GCNT1: variants seen among roughly 807,000 people sequenced by gnomAD.
The protein encoded by GCNT1 is beta-1,3-galactosyl-O-glycosyl-glycoprotein beta-1,6-N-acetylglucosaminyltransferase.
GCNT1 carries 16 observed loss-of-function variants against 26.2 expected under a neutral mutation model. The observed-to-expected ratio is 0.61, with a 90% CI of 0.41 to 0.93. The LOEUF (loss-of-function observed/expected upper bound fraction) is 0.93, where lower values mean the gene tolerates loss of function less well. GCNT1 is among the 40% of genes least tolerant of loss of function. The probability of loss-of-function intolerance (pLI) is 0.00; values close to 1 mark genes in which losing one functional copy is unlikely to be tolerated. For synonymous variants in GCNT1, 183 were observed against 190.8 expected (o/e 0.96, Z 0.34); for missense variants, 477 against 526.7 (o/e 0.91, Z 0.92).
chr9:76,473,952 A>G (rs1207199748), intron 2 of GCNT1, among the ~76,000 whole-genome samples: 1 of 152,160 alleles, frequency 6.6e-6, no homozygotes, highest in Admixed American at 6.5e-5. Flanking sequence ...TATAAAAATT[A>G]GCCAGGCATG....
At chr9:76,439,223 C>CTTT (rs71499153), upstream of GCNT1, among the ~76,000 whole-genome samples, 362 of 120,076 alleles carry the variant, frequency 3.0e-3, 6 homozygotes, top group Middle Eastern at 4.9e-3. Flanking sequence ...TTTTCTTTTT[C>CTTT]TTTTTTTTTT....
intron 2 of GCNT1, among the ~76,000 whole-genome samples, chr9:76,482,031 G>A (rs1824436638): frequency 6.6e-6 from 1 of 152,050 alleles, no homozygotes; most frequent in South Asian, 2.1e-4. Flanking sequence ...TTATTATATT[G>A]TCAGTAAGAA....
At chr9:76,494,261 A>G (rs773843251) in intron 2 of GCNT1, among the ~76,000 whole-genome samples, 2 of 152,200 alleles carry the variant, frequency 1.3e-5, no homozygotes, top group African/African-American at 2.4e-5. Context: ...TGGGCCACAA[A>G]GAGGACTGAG....
chr9:76,503,203 G>T lies in GCNT1; in HGVS notation c.822G>T (p.Met274Ile). ...TGACAAACACAGGGACTGTCAAAAT[G>T]CTTCCTCCACTCGAAACACCTCTCT... Reference protein sequence around the residue: ...GKLTNTGTVKMLPPLETPLFS... With the variant: ...GKLTNTGTVKILPPLETPLFS... The change falls in exon 4 of 4, where the codon ATG becomes ATT. Residue 274 changes from methionine (M) to isoleucine (I), a missense_variant. Coordinates refer to ENST00000376730, the MANE Select transcript of GCNT1 (RefSeq NM_001490.5). 3 of 1,614,158 alleles carry T rather than the reference G, an allele frequency of 1.9e-6. No homozygotes were observed. The highest frequency in any genetic ancestry group is 2.5e-6 in the Non-Finnish European group (3 of 1,180,016).
intron 1 of GCNT1, among the ~76,000 whole-genome samples, chr9:76,435,383 G>A (rs1371349068): frequency 6.6e-6 from 1 of 152,128 alleles, no homozygotes; most frequent in African/African-American, 2.4e-5. Context: ...TTTGGGACCA[G>A]TTCCCCCACT....
chr9:76,398,889 C>G, the GCNT1 span: 1 of 1,532,436 alleles, frequency 6.5e-7, no homozygotes, highest in Non-Finnish European at 8.9e-7. Flanking sequence ...GCAGCTAGTG[C>G]TATTGTTGCC....
At chr9:76,432,772 G>T (rs897707408) in intron 1 of GCNT1, among the ~76,000 whole-genome samples, 1 of 152,218 alleles carries the variant, frequency 6.6e-6, no homozygotes, top group African/African-American at 2.4e-5. Flanking sequence ...CAAGCTAAAA[G>T]TCTTGCATAA....
chr9:76,482,756 C>A (rs1175464586), intron 2 of GCNT1, among the ~76,000 whole-genome samples: 2 of 151,782 alleles, frequency 1.3e-5, no homozygotes, highest in Non-Finnish European at 2.9e-5. Context: ...GTGATCCTCC[C>A]ACCTCAGCCT....
chr9:76,505,019 C>A lies in GCNT1; in HGVS notation c.*1351C>A. The A allele has an allele frequency of 2.4e-6, 1 of 413,028 alleles. No individual in the cohort carries two copies. The highest frequency in any genetic ancestry group is 1.3e-4 in the South Asian group (1 of 7,470). The allele number at this position is 413,028 out of a possible 1,614,324, so 25.6% of individuals were successfully genotyped here. On this transcript the variant is annotated 3_prime_UTR_variant, in exon 4 of 4. Transcript: ENST00000376730. The stretch of plus-strand genomic sequence containing the variant: ...GTTGCTATAATGCTGTCACACATCT[C>A]AAAGTACATTCAAATCTTAAAAAGA...
chr9:76,469,743 G>T (rs147866189), intron 2 of GCNT1, among the ~76,000 whole-genome samples: 3,415 of 152,304 alleles, frequency 0.022, 123 homozygotes, highest in African/African-American at 0.077. Context: ...GCTTGCCATT[G>T]TTCCTGCACG....
chr9:76,394,255 C>CCGG, the GCNT1 span: 1 of 1,396,956 alleles, frequency 7.2e-7, no homozygotes, highest in East Asian at 2.7e-5. Context: ...AGACCCCGGA[C>CCGG]CAGCCGGGGG....
At chr9:76,483,050 T>A (rs1258976078) in intron 2 of GCNT1, among the ~76,000 whole-genome samples, 1 of 152,174 alleles carries the variant, frequency 6.6e-6, no homozygotes, top group Non-Finnish European at 1.5e-5. Context: ...GATACATGTG[T>A]CTAATATTTG....
At chr9:76,398,947 C>T in the GCNT1 span, 150 of 1,509,254 alleles carry the variant, frequency 9.9e-5, no homozygotes, top group Non-Finnish European at 1.3e-4. Flanking sequence ...GGAATACTGG[C>T]CAGAGGGCTG....
rs1825124262 is a variant in GCNT1 at position 76,502,947 on chromosome 9, C to T, written c.566C>T (p.Ser189Leu). Residue 189 changes from serine to leucine, a missense_variant, in exon 4 of 4, where the codon TCG becomes TTG. Coordinates refer to ENST00000376730, the MANE Select transcript of GCNT1 (RefSeq NM_001490.5). The stretch of plus-strand genomic sequence containing the variant: ...CGATTGGAGAGTGTGGTTTATGCAT[C>T]GTGGAGCCGGGTTCAGGCTGACCTC... Reference protein sequence around the residue: ...ASRLESVVYASWSRVQADLNC... With the variant: ...ASRLESVVYALWSRVQADLNC... 4 of 1,612,936 alleles carry T rather than the reference C, an allele frequency of 2.5e-6. No homozygotes were observed. Among genetic ancestry groups the T allele is most frequent in the Non-Finnish European group, 3.4e-6 (4 of 1,179,970 alleles).
At chr9:76,478,556 A>G (rs1824319988) in intron 2 of GCNT1, among the ~76,000 whole-genome samples, 1 of 152,174 alleles carries the variant, frequency 6.6e-6, no homozygotes, top group African/African-American at 2.4e-5. Flanking sequence ...AACCCACCAG[A>G]AGGAATAAAT....
intron 2 of GCNT1, among the ~76,000 whole-genome samples, chr9:76,472,372 T>C (rs1258890032): frequency 1.3e-5 from 2 of 152,188 alleles, no homozygotes; most frequent in Non-Finnish European, 2.9e-5. Context: ...TGGGTGGCCC[T>C]CCCTCCCAAA....
intron 2 of GCNT1, among the ~76,000 whole-genome samples, chr9:76,484,745 A>G (rs567916398): frequency 6.6e-6 from 1 of 150,908 alleles, no homozygotes; most frequent in South Asian, 2.1e-4. Context: ...TGTTTATATT[A>G]CTATAGCCAT....
the GCNT1 span, among the ~76,000 whole-genome samples, chr9:76,407,920 C>T: frequency 2.0e-5 from 3 of 152,280 alleles, no homozygotes; most frequent in African/African-American, 7.2e-5. Context: ...TCTAATTCCA[C>T]TGGTTAATTG....
chr9:76,474,754 C>T (rs1824217615), intron 2 of GCNT1, among the ~76,000 whole-genome samples: 2 of 152,186 alleles, frequency 1.3e-5, no homozygotes, highest in Admixed American at 1.3e-4. Context: ...AGAACTGTCA[C>T]CATTTTATCC....
Sources: allele counts gnomAD v4.1 joint callset (sites outside exome capture counted in the v4.1 genomes callset), GRCh38; gene constraint gnomAD v4.1.1; transcripts MANE v1.5; gene names NCBI Gene and HGNC (gene_info 2026-07-23, HGNC 2026-07-21).